Variants in FGD4 observed in about 807,000 individuals in gnomAD.
FGD4 encodes the protein FYVE, RhoGEF and PH domain-containing protein 4.
A neutral mutation model predicts 102.0 loss-of-function variants in FGD4; 42 were observed. The ratio of observed to expected loss-of-function variants is 0.41; its 90% CI spans 0.32 to 0.53. The LOEUF is 0.53. Ranked by LOEUF, FGD4 falls within the 20% of genes least tolerant of loss-of-function variation. FGD4 has a pLI of 0.21. For synonymous variants in FGD4, 380 were observed against 375.7 expected, an observed-to-expected ratio of 1.01 and a Z score of -0.13; for missense variants, 902 against 1,078.2, an observed-to-expected ratio of 0.84 and a Z score of 2.29.
At chr12:32,429,884 T>C (rs1447976344) in intron 1 of FGD4, among the ~76,000 whole-genome samples, 1 of 152,134 alleles carries the variant, frequency 6.6e-6, no homozygotes, top group East Asian at 1.9e-4. Flanking sequence ...CTTACCATGT[T>C]TTATCAGCAA....
At chr12:32,628,178 G>A (rs936018665) in intron 14 of FGD4, among the ~76,000 whole-genome samples, 23 of 152,264 alleles carry the variant, frequency 1.5e-4, no homozygotes, top group African/African-American at 5.1e-4. Flanking sequence ...ACTATGATCC[G>A]TTAGTGAGAA....
At chr12:32,502,135 T>G in intron 1 of FGD4, 1 of 985,468 alleles carries the variant, frequency 1.0e-6, no homozygotes, top group African/African-American at 1.7e-5. Flanking sequence ...GAATCCACCA[T>G]CTGTTCACTC....
At chr12:32,620,794 T>G (rs1272449997) in intron 11 of FGD4, among the ~76,000 whole-genome samples, 2 of 147,514 alleles carry the variant, frequency 1.4e-5, no homozygotes, top group East Asian at 2.1e-4. Context: ...GCCTCCCGGG[T>G]TCACGCCATT....
intron 1 of FGD4, among the ~76,000 whole-genome samples, chr12:32,555,824 C>T (rs1944062377): frequency 6.6e-6 from 1 of 152,024 alleles, no homozygotes; most frequent in Non-Finnish European, 1.5e-5. Flanking sequence ...CCTGCCTCAG[C>T]CTCCCAAAGT....
At chr12:32,610,976 G>A (rs1949099222) in intron 9 of FGD4, 142 bp downstream of exon 9, 1 of 1,252,960 alleles carries the variant, frequency 8.0e-7, no homozygotes, top group Admixed American at 2.0e-5. Context: ...ATGTTATCTG[G>A]AATAATTCTC....
At chr12:32,551,396 A>C (rs1943658368) in intron 1 of FGD4, among the ~76,000 whole-genome samples, 1 of 152,194 alleles carries the variant, frequency 6.6e-6, no homozygotes, top group South Asian at 2.1e-4. Flanking sequence ...GCTCACTAGA[A>C]TTTAATACTT....
At chr12:32,623,231 C>G (rs1309355579) in intron 11 of FGD4, among the ~76,000 whole-genome samples, 2 of 151,916 alleles carry the variant, frequency 1.3e-5, no homozygotes, top group African/African-American at 4.8e-5. Flanking sequence ...AAACAAAAAG[C>G]TATAAAGACT....
intron 1 of FGD4, among the ~76,000 whole-genome samples, chr12:32,526,795 A>G (rs910523295): frequency 6.6e-6 from 1 of 152,168 alleles, no homozygotes; most frequent in Non-Finnish European, 1.5e-5. Flanking sequence ...GCCCACTGGG[A>G]GGAACGAACA....
At chr12:32,424,257 C>A (rs1200272069) in intron 1 of FGD4, among the ~76,000 whole-genome samples, 1 of 150,122 alleles carries the variant, frequency 6.7e-6, no homozygotes, top group East Asian at 2.0e-4. Flanking sequence ...ATGTGATGTT[C>A]CCCTCCCTGT....
chr12:32,582,310 A>G lies in FGD4; in HGVS notation c.854A>G (p.Asp285Gly). Reference sequence around the variant, plus strand: ...GCATCACCCACAACAGACAGCTGTGATGGAAATGCTTCTGACAGTAGCTAC... The same window carrying G: ...GCATCACCCACAACAGACAGCTGTGGTGGAAATGCTTCTGACAGTAGCTAC... ...APASPTTDSC[D>G]GNASDSSYRT... The change falls in exon 4 of 17, where the codon GAT becomes GGT. Residue 285 changes from aspartate (D) to glycine (G), a missense_variant. Asp to Gly is a moderately conservative substitution (Grantham distance 94). Transcript: ENST00000534526. 1.9e-6 allele frequency: 3 copies of G among 1,614,228 alleles called. No individual in the cohort carries two copies. The highest frequency in any genetic ancestry group is 2.5e-6 in the Non-Finnish European group (3 of 1,180,040).
intron 1 of FGD4, among the ~76,000 whole-genome samples, chr12:32,472,446 C>T (rs919019820): frequency 3.3e-5 from 5 of 152,180 alleles, no homozygotes; most frequent in Non-Finnish European, 7.4e-5. Context: ...CCAGTGGCTG[C>T]GGAGGGTGTA....
chr12:32,473,644 C>T (rs142977010), intron 1 of FGD4, among the ~76,000 whole-genome samples: 12 of 152,272 alleles, frequency 7.9e-5, no homozygotes, highest in African/African-American at 2.4e-4. Context: ...CCACCAATTC[C>T]GGACACACCT....
rs56852726 is a variant in FGD4 at position 32,402,117 on chromosome 12, AT to A, written c.166+2187del. Among the ~76,000 whole-genome samples, 109 of 105,188 alleles carry A rather than the reference AT, an allele frequency of 1.0e-3. 1 individual carries two copies. Among genetic ancestry groups the A allele is most frequent in the South Asian group, 2.8e-3 (9 of 3,234 alleles). 69.0% of individuals were successfully genotyped at this position (105,188 alleles called of 152,430 possible). A position where few individuals can be genotyped will look rare whatever the true frequency, so the allele number is the denominator to read the frequency against. ...CGGAGTTTCACCATGTTGGCCAGGC[AT>A]TTTTTTTTTTTTTTTTTTTTTTTTT... On this transcript the variant is annotated intron_variant, in intron 1 of 16. Transcript: ENST00000534526.
chr12:32,522,545 T>C (rs192071008), intron 1 of FGD4, among the ~76,000 whole-genome samples: 115 of 152,366 alleles, frequency 7.5e-4, no homozygotes, highest in Non-Finnish European at 1.4e-3. Flanking sequence ...GACTGTACTT[T>C]ATCCTTTGTG....
chr12:32,589,294 G>A (rs774254713), intron 4 of FGD4, among the ~76,000 whole-genome samples: 2 of 152,182 alleles, frequency 1.3e-5, no homozygotes, highest in Non-Finnish European at 2.9e-5. Flanking sequence ...GTTAATACCA[G>A]CACCTCTCTT....
At chr12:32,487,004 C>A (rs1441690866) in intron 1 of FGD4, among the ~76,000 whole-genome samples, 1 of 152,238 alleles carries the variant, frequency 6.6e-6, no homozygotes, top group Middle Eastern at 3.4e-3. Context: ...CTCCCTCTGA[C>A]CCCCACCATG....
intron 1 of FGD4, among the ~76,000 whole-genome samples, chr12:32,485,477 G>T (rs1943870097): frequency 8.4e-6 from 1 of 119,694 alleles, no homozygotes; most frequent in South Asian, 2.7e-4. Flanking sequence ...GACTCGCCCT[G>T]TTGCCCAGGC....
rs907916850 is a variant in FGD4, at chr12:32,506,610, C to T, written c.167-57527C>T. On this transcript the variant is annotated intron_variant, in intron 1 of 16. Coordinates refer to ENST00000534526, the MANE Select transcript of FGD4 (RefSeq NM_001370298.3). This position sits in a 1 kb window ranked among gnomAD's most constrained non-coding sequence, Gnocchi z 4.5. Reference sequence around the variant, plus strand: ...ACTTAATCTCCCTTTCTTCTGCTCCCTGCACCAACCCACAGGCACCTCCTT... The same window carrying T: ...ACTTAATCTCCCTTTCTTCTGCTCCTTGCACCAACCCACAGGCACCTCCTT... 6.6e-6 allele frequency among the ~76,000 whole-genome samples: 1 copy of T among 152,196 alleles called. No homozygotes were observed. Among genetic ancestry groups the T allele is most frequent in the Non-Finnish European group, 1.5e-5 (1 of 68,036 alleles).
intron 4 of FGD4, among the ~76,000 whole-genome samples, chr12:32,594,111 G>A (rs562043794): frequency 8.5e-5 from 13 of 152,280 alleles, no homozygotes; most frequent in Admixed American, 4.6e-4. Context: ...TCCTCAGCCC[G>A]TAGGCCACGG....
Sources: gnomAD v4.1 joint callset for allele counts (sites outside exome capture counted in the v4.1 genomes callset) on GRCh38, gnomAD v4.1.1 for gene constraint, Gnocchi (gnomAD v3.1) non-coding constraint, MANE v1.5 for transcripts, NCBI Gene and HGNC (gene_info 2026-07-23, HGNC 2026-07-21) for gene names.